The following BLTP1 variants were observed in gnomAD, a reference collection of about 807,000 sequenced individuals.
BLTP1 encodes the protein fragile site-associated protein.
At chr4:122,318,367 A>C in the BLTP1 span, 1 of 896,192 alleles carries the variant, frequency 1.1e-6, no homozygotes, top group Non-Finnish European at 1.8e-6. Context: ...AGCACGTTAC[A>C]TGTAATCACC....
the BLTP1 span, chr4:122,327,798 C>T: frequency 6.3e-6 from 1 of 159,738 alleles, no homozygotes; most frequent in Non-Finnish European, 1.4e-5. Context: ...AATCATGTTT[C>T]TTTTGCTTCC....
At chr4:122,175,925 A>C in the BLTP1 span, 2 of 1,204,946 alleles carry the variant, frequency 1.7e-6, no homozygotes, top group South Asian at 2.5e-5. Flanking sequence ...GTGAGTTTTC[A>C]TTTTTTATGT....
chr4:122,199,753 TA>T, the BLTP1 span: 1 of 230,430 alleles, frequency 4.3e-6, no homozygotes, highest in Non-Finnish European at 7.2e-6. Flanking sequence ...AAATCTCTTC[TA>T]AGTTCTAAGT....
the BLTP1 span, chr4:122,247,692 T>C: frequency 9.6e-7 from 1 of 1,042,406 alleles, no homozygotes; most frequent in East Asian, 7.4e-5. Flanking sequence ...TAGTCTTTCT[T>C]ATTTTTTAAG....
the BLTP1 span, chr4:122,240,078 G>C: frequency 1.2e-6 from 2 of 1,614,002 alleles, no homozygotes; most frequent in Non-Finnish European, 1.7e-6. Context: ...GGCTTCATTT[G>C]TTTCTGCGTT....
At chr4:122,292,381 C>G in the BLTP1 span, 1 of 844,364 alleles carries the variant, frequency 1.2e-6, no homozygotes. Flanking sequence ...TGAATATTCA[C>G]AAAGCTCTAG....
At chr4:122,263,320 G>A in the BLTP1 span, 63 of 1,416,830 alleles carry the variant, frequency 4.4e-5, no homozygotes, top group African/African-American at 8.5e-4. Context: ...TATGCAGTGA[G>A]AATTCAAAAC....
At chr4:122,290,448 GTAAACT>G in the BLTP1 span, among the ~76,000 whole-genome samples, 16 of 151,918 alleles carry the variant, frequency 1.1e-4, no homozygotes, top group African/African-American at 3.1e-4. Flanking sequence ...TATCAAGCTG[GTAAACT>G]TATGAGTTCT....
At chr4:122,279,120 G>C in the BLTP1 span, among the ~76,000 whole-genome samples, 19 of 152,184 alleles carry the variant, frequency 1.2e-4, no homozygotes, top group Non-Finnish European at 1.5e-5. Flanking sequence ...CCTTTGTTTG[G>C]AGTTGATCTG....
chr4:122,261,635 G>A, the BLTP1 span: 1 of 984,452 alleles, frequency 1.0e-6, no homozygotes, highest in South Asian at 4.7e-5. Flanking sequence ...GTAGTAGGAA[G>A]GATAATTTAG....
the BLTP1 span, chr4:122,189,979 T>C: frequency 6.2e-7 from 1 of 1,607,422 alleles, no homozygotes; most frequent in Non-Finnish European, 8.5e-7. Context: ...TTAGTTTGCT[T>C]TCCCCTCCAC....
chr4:122,292,097 A>G, the BLTP1 span, among the ~76,000 whole-genome samples: 1 of 151,704 alleles, frequency 6.6e-6, no homozygotes, highest in African/African-American at 2.4e-5. Context: ...CAGCCTCCCA[A>G]GTAGCTGGGA....
the BLTP1 span, chr4:122,311,005 T>G: frequency 1.9e-6 from 1 of 535,818 alleles, no homozygotes; most frequent in South Asian, 8.2e-5. Flanking sequence ...AAACATATCT[T>G]TTGTTTTTTT....
At chr4:122,223,625 C>CT in the BLTP1 span, among the ~76,000 whole-genome samples, 1 of 152,262 alleles carries the variant, frequency 6.6e-6, no homozygotes, top group African/African-American at 2.4e-5. Context: ...ATTTAATGGT[C>CT]TGGAGGCAAG....
At chr4:122,163,696 C>A in the BLTP1 span, among the ~76,000 whole-genome samples, 2 of 152,198 alleles carry the variant, frequency 1.3e-5, no homozygotes. Flanking sequence ...CCTCACTTTA[C>A]ACATGAGGAA....
At chr4:122,190,166 A>G in the BLTP1 span, 4 of 1,536,262 alleles carry the variant, frequency 2.6e-6, no homozygotes, top group Non-Finnish European at 2.7e-6. Context: ...GCGTAATCAT[A>G]GTCCACTATA....
At chr4:122,264,118 T>G in the BLTP1 span, 3 of 1,241,890 alleles carry the variant, frequency 2.4e-6, no homozygotes, top group South Asian at 6.7e-5. Context: ...ATGCATTATT[T>G]TTTTTCTTTT....
chr4:122,315,905 AAAT>A, the BLTP1 span, among the ~76,000 whole-genome samples: 133 of 152,256 alleles, frequency 8.7e-4, 2 homozygotes, highest in East Asian at 1.9e-4. Context: ...CCTATAGGTA[AAAT>A]AATAATATTA....
At chr4:122,348,602 T>A in the BLTP1 span, 3 of 1,607,380 alleles carry the variant, frequency 1.9e-6, no homozygotes. Flanking sequence ...TTTTAACAAA[T>A]CAAACAAAGC....
Sources: gnomAD v4.1 joint callset for allele counts (sites outside exome capture counted in the v4.1 genomes callset) on GRCh38, gnomAD v4.1.1 for gene constraint, MANE v1.5 for transcripts, NCBI Gene and HGNC (gene_info 2026-07-23, HGNC 2026-07-21) for gene names.